The following HPSE2 variants were observed in gnomAD, a reference collection of about 807,000 sequenced individuals.
The protein encoded by HPSE2 is heparanase 2 (inactive).
HPSE2 carries 38 observed loss-of-function variants against 60.5 expected under a neutral mutation model. The observed-to-expected ratio is 0.63, with a 90% CI of 0.48 to 0.82. The LOEUF is 0.82. HPSE2 is among the 40% of genes least tolerant of loss of function. HPSE2 has a pLI of 0.00. For synonymous variants in HPSE2, 295 were observed against 293.2 expected (o/e 1.01, Z -0.06); for missense variants, 713 against 740.4 (o/e 0.96, Z 0.43).
intron 3 of HPSE2, among the ~76,000 whole-genome samples, chr10:98,794,074 C>T (rs1365063518): frequency 2.6e-5 from 4 of 151,992 alleles, no homozygotes; most frequent in South Asian, 2.1e-4. Context: ...AGTACAGTTA[C>T]CAAAATGAGG....
chr10:98,576,720 C>T (rs1173208054), intron 9 of HPSE2, among the ~76,000 whole-genome samples: 2 of 152,044 alleles, frequency 1.3e-5, no homozygotes, highest in Non-Finnish European at 2.9e-5. Context: ...GCTTTCTCCC[C>T]TCCTCCATCC....
At chr10:98,607,058 C>CCTCCCTCCCTCT (rs1945611126) in intron 9 of HPSE2, among the ~76,000 whole-genome samples, 2 of 126,080 alleles carry the variant, frequency 1.6e-5, no homozygotes, top group Non-Finnish European at 3.2e-5. Context: ...TTTCTTTCTC[C>CCTCCCTCCCTCT]CTCCCTCCCT....
intron 3 of HPSE2, among the ~76,000 whole-genome samples, chr10:98,775,833 A>C (rs1026274273): frequency 3.3e-5 from 5 of 152,142 alleles, no homozygotes; most frequent in African/African-American, 1.2e-4. Context: ...CATGTGAAAA[A>C]ATAAATTCAT....
chr10:98,851,935 G>C (rs574646754), intron 3 of HPSE2, among the ~76,000 whole-genome samples: 1 of 152,172 alleles, frequency 6.6e-6, no homozygotes, highest in Non-Finnish European at 1.5e-5. Context: ...ACTGTAATTA[G>C]GAGGAAAACC....
intron 5 of HPSE2, among the ~76,000 whole-genome samples, chr10:98,712,378 C>G (rs1035196748): frequency 2.0e-5 from 3 of 151,882 alleles, no homozygotes; most frequent in Admixed American, 6.6e-5. Flanking sequence ...GGAAGGGACT[C>G]ATGAAGTCAA....
intron 6 of HPSE2, among the ~76,000 whole-genome samples, chr10:98,654,017 TCATGCTTG>T (rs1315597427): frequency 6.6e-6 from 1 of 152,154 alleles, no homozygotes; most frequent in East Asian, 1.9e-4. Context: ...TCCACTATTT[TCATGCTTG>T]CATTGTTTCT....
intron 5 of HPSE2, among the ~76,000 whole-genome samples, chr10:98,694,543 TATCTG>T (rs1398512609): frequency 1.3e-5 from 2 of 152,186 alleles, no homozygotes; most frequent in Non-Finnish European, 2.9e-5. Context: ...TACTGAGTGT[TATCTG>T]ACAATCATGC....
intron 7 of HPSE2, among the ~76,000 whole-genome samples, chr10:98,632,928 G>GT (rs997825075): frequency 2.0e-5 from 3 of 152,106 alleles, no homozygotes; most frequent in African/African-American, 7.2e-5. Flanking sequence ...AACGACATGG[G>GT]TTTGAACTGT....
chr10:98,695,981 T>C (rs1948201628), intron 5 of HPSE2, among the ~76,000 whole-genome samples: 1 of 152,028 alleles, frequency 6.6e-6, no homozygotes, highest in African/African-American at 2.4e-5. Context: ...CAGATTAATA[T>C]TCAAAATATT....
intron 2 of HPSE2, among the ~76,000 whole-genome samples, chr10:99,214,403 A>G (rs1849050503): frequency 6.6e-6 from 1 of 152,262 alleles, no homozygotes; most frequent in South Asian, 2.1e-4. Context: ...AAACTTGTAT[A>G]CAAATTTTCA....
intron 2 of HPSE2, among the ~76,000 whole-genome samples, chr10:99,148,844 T>C (rs1336509609): frequency 2.6e-5 from 4 of 151,868 alleles, no homozygotes; most frequent in Non-Finnish European, 5.9e-5. Context: ...GAAACTATGA[T>C]TCAATGGACT....
intron 6 of HPSE2, among the ~76,000 whole-genome samples, chr10:98,651,816 AG>A (rs1946924734): frequency 6.7e-6 from 1 of 149,660 alleles, no homozygotes; most frequent in Admixed American, 6.7e-5. Flanking sequence ...TCTGTCACCC[AG>A]GCTGGAGTGC....
At chr10:98,683,727 G>A (rs1294310240) in intron 6 of HPSE2, among the ~76,000 whole-genome samples, 1 of 151,856 alleles carries the variant, frequency 6.6e-6, no homozygotes, top group Non-Finnish European at 1.5e-5. Context: ...ATTTCAGAAG[G>A]AATGCACAAA....
At chr10:98,967,255 T>A in intron 3 of HPSE2, among the ~76,000 whole-genome samples, 1 of 152,200 alleles carries the variant, frequency 6.6e-6, no homozygotes, top group East Asian at 1.9e-4. Flanking sequence ...TAGCCCCACC[T>A]CAGCCACGCC....
intron 4 of HPSE2, among the ~76,000 whole-genome samples, chr10:98,736,814 C>T (rs1949369056): frequency 6.6e-6 from 1 of 152,154 alleles, no homozygotes; most frequent in Non-Finnish European, 1.5e-5. Context: ...GTATGTTATG[C>T]CAAGCTATAA....
Position 98,550,665 on chromosome 10 carries a change from G to T in HPSE2, c.1321-60469C>A, listed in dbSNP as rs140560980. On this transcript the variant is annotated intron_variant, in intron 9 of 11. Coordinates refer to ENST00000370552, the MANE Select transcript of HPSE2 (RefSeq NM_021828.5). The stretch of plus-strand genomic sequence containing the variant: ...TATATTATAGTATTGTAGTAGAGAC[G>T]AGGTTTCACTGTGTTAGTCAGGATG... Among the ~76,000 whole-genome samples the T allele has an allele frequency of 8.7e-3, 1,327 of 152,124 alleles. 16 individuals carry two copies. The highest frequency in any genetic ancestry group is 0.031 in the African/African-American group (1,269 of 41,486).
chr10:98,781,361 G>A (rs1420929164), intron 3 of HPSE2, among the ~76,000 whole-genome samples: 1 of 127,886 alleles, frequency 7.8e-6, no homozygotes, highest in Non-Finnish European at 1.6e-5. Context: ...AAATGAAAAA[G>A]AACTGAACAC....
chr10:99,071,910 A>G (rs527916726), intron 3 of HPSE2, among the ~76,000 whole-genome samples: 1 of 152,226 alleles, frequency 6.6e-6, no homozygotes, highest in Non-Finnish European at 1.5e-5. Flanking sequence ...TGAGCTCTCA[A>G]TTCTGTTCCA....
the HPSE2 span, among the ~76,000 whole-genome samples, chr10:99,288,003 T>C: frequency 6.6e-6 from 1 of 152,336 alleles, no homozygotes; most frequent in African/African-American, 2.4e-5. Context: ...GGTTAGGTCA[T>C]GTCATATTTT....
Sources: gnomAD v4.1 joint callset for allele counts (sites outside exome capture counted in the v4.1 genomes callset) on GRCh38, gnomAD v4.1.1 for gene constraint, MANE v1.5 for transcripts, NCBI Gene and HGNC (gene_info 2026-07-23, HGNC 2026-07-21) for gene names.